Variants in CRYM observed in about 807,000 individuals in gnomAD.
CRYM encodes the protein ketimine reductase mu-crystallin.
CRYM carries 18 observed loss-of-function variants against 32.9 expected under a neutral mutation model. The observed-to-expected ratio is 0.55, with a 90% CI of 0.38 to 0.81. The LOEUF is 0.81. Ranked by LOEUF, CRYM falls within the 30% of genes least tolerant of loss-of-function variation. The pLI is 0.00. For missense variants in CRYM, 337 were observed against 393.5 expected (o/e 0.86, Z 1.21); for synonymous variants, 153 against 152.4 (o/e 1.00, Z -0.03).
rs114001128 is a variant in CRYM, at chr16:21,274,908, T to C, written c.387+624A>G. Among the ~76,000 whole-genome samples, 1,223 of 152,326 alleles carry C rather than the reference T, an allele frequency of 8.0e-3. 19 individuals carry two copies. The highest frequency in any genetic ancestry group is 0.028 in the African/African-American group (1,163 of 41,574). On this transcript the variant is annotated intron_variant, in intron 3 of 7. Coordinates refer to ENST00000572914, the MANE Select transcript of CRYM (RefSeq NM_001376256.1). ...GGCGTGAGCCACTGTACCCAGCCTG[T>C]GTTTTCCTTTTTATTGGTATTGTCT...
intron 3 of CRYM, among the ~76,000 whole-genome samples, chr16:21,270,474 G>A (rs973323203): frequency 1.3e-5 from 2 of 152,008 alleles, no homozygotes; most frequent in African/African-American, 2.4e-5. Context: ...GATAGAGATG[G>A]GGTTTCACCA....
At chr16:21,283,673 G>T (rs920108917) in intron 1 of CRYM, 1 of 151,768 alleles carries the variant, frequency 6.6e-6, no homozygotes, top group Non-Finnish European at 1.5e-5. Flanking sequence ...GGGGTGGGGC[G>T]GTGGGGGGAC....
intron 5 of CRYM, among the ~76,000 whole-genome samples, chr16:21,263,822 C>T (rs1400376378): frequency 1.3e-5 from 2 of 152,168 alleles, no homozygotes; most frequent in African/African-American, 4.8e-5. Flanking sequence ...GACTGAGGGG[C>T]GGGGAAGCCA....
intron 1 of CRYM, chr16:21,300,537 GA>G (rs1027820247): frequency 9.2e-5 from 13 of 141,164 alleles, no homozygotes; most frequent in African/African-American, 2.1e-4. Flanking sequence ...AACAGAAAAA[GA>G]AAAAAAAAAG....
intron 5 of CRYM, among the ~76,000 whole-genome samples, chr16:21,263,481 T>C (rs1175024510): frequency 1.3e-5 from 2 of 152,234 alleles, no homozygotes; most frequent in African/African-American, 4.8e-5. Flanking sequence ...TCCCAAACTG[T>C]TGGGACCACA....
upstream of CRYM, among the ~76,000 whole-genome samples, chr16:21,279,614 G>C (rs775097635): frequency 6.6e-5 from 10 of 152,346 alleles, no homozygotes; most frequent in Middle Eastern, 3.4e-3. Context: ...TGCTCCAAGA[G>C]AGTAAGCATT....
chr16:21,282,450 C>G (rs9921853), upstream of CRYM, among the ~76,000 whole-genome samples: 31,347 of 150,726 alleles, frequency 0.21, 3,371 homozygotes, highest in African/African-American at 0.27. Context: ...TTAAAGTTAA[C>G]AAGGAGAAAA....
intron 1 of CRYM, chr16:21,283,527 G>A (rs967396693): frequency 6.6e-6 from 1 of 151,938 alleles, no homozygotes; most frequent in Non-Finnish European, 1.5e-5. Context: ...TGCAGCCAAG[G>A]CGCGTGTCTC....
intron 3 of CRYM, among the ~76,000 whole-genome samples, chr16:21,273,068 C>T (rs7191267): frequency 0.27 from 40,696 of 151,788 alleles, 5,887 homozygotes; most frequent in African/African-American, 0.36. Flanking sequence ...ATGCTGAGCG[C>T]AGAACCTTGC....
upstream of CRYM, among the ~76,000 whole-genome samples, chr16:21,281,094 T>TTC (rs35907138): frequency 0.021 from 2,961 of 143,496 alleles, 93 homozygotes; most frequent in African/African-American, 0.074. Flanking sequence ...AACAGAGTGA[T>TTC]TCTCTCTCTC....
At chr16:21,262,211 A>T in intron 5 of CRYM, 53 bp from the exon 6 acceptor site, 1 of 1,611,794 alleles carries the variant, frequency 6.2e-7, no homozygotes, top group Admixed American at 1.7e-5. Flanking sequence ...AAAGGCTGCT[A>T]AGAAGCCCAA....
chr16:21,278,259 C>T lies in CRYM; in HGVS notation c.-8G>A. ...CGCTGGTACCCGGCTCATCTCGCCA[C>T]CTGTGCCTTCTAACCTCAGTCTCCG... On this transcript the variant is annotated 5_prime_UTR_variant, in exon 1 of 8. It adds an upstream start codon to the 5' untranslated region. Coordinates refer to ENST00000572914, the MANE Select transcript of CRYM (RefSeq NM_001376256.1). The T allele has an allele frequency of 1.3e-6, 2 of 1,583,492 alleles. No individual in the cohort carries two copies. The highest frequency in any genetic ancestry group is 1.1e-5 in the South Asian group (1 of 87,152).
chr16:21,273,103 T>C (rs923357221), intron 3 of CRYM, among the ~76,000 whole-genome samples: 2 of 152,132 alleles, frequency 1.3e-5, no homozygotes, highest in African/African-American at 2.4e-5. Context: ...CAAATATTTG[T>C]TGAATAAATG....
rs184610639 is a variant in CRYM, at chr16:21,263,379, C to T, written c.674-1221G>A. Among the ~76,000 whole-genome samples the T allele has an allele frequency of 1.8e-3, 279 of 152,112 alleles. 1 individual carries two copies. Among genetic ancestry groups the T allele is most frequent in the Non-Finnish European group, 2.1e-3 (145 of 67,990 alleles). ...CTGCGCCACTGTGCTCCAAACCAGGCGACAGAGTGAGACTCCATCTCAAAA... is the reference window on the plus strand; with the variant it reads ...CTGCGCCACTGTGCTCCAAACCAGGTGACAGAGTGAGACTCCATCTCAAAA... On this transcript the variant is annotated intron_variant, in intron 5 of 7. Transcript: ENST00000572914.
intron 1 of CRYM, among the ~76,000 whole-genome samples, chr16:21,302,354 C>T (rs763429271): frequency 6.6e-5 from 10 of 152,226 alleles, no homozygotes; most frequent in Non-Finnish European, 1.3e-4. Context: ...ATTGCGAGAA[C>T]ATGTTAAGTG....
intron 1 of CRYM, among the ~76,000 whole-genome samples, chr16:21,287,949 T>C (rs2093410189): frequency 6.6e-6 from 1 of 152,254 alleles, no homozygotes; most frequent in Non-Finnish European, 1.5e-5. Context: ...GTACCCTGTA[T>C]TCCCTATTTG....
At chr16:21,301,237 A>C (rs1960917716) in intron 1 of CRYM, 1 of 152,528 alleles carries the variant, frequency 6.6e-6, no homozygotes, top group Non-Finnish European at 1.5e-5. Context: ...ACCATGGCAC[A>C]CGAGGGAGAG....
chr16:21,274,268 C>T (rs1173276831), intron 3 of CRYM, among the ~76,000 whole-genome samples: 1 of 152,160 alleles, frequency 6.6e-6, no homozygotes, highest in Non-Finnish European at 1.5e-5. Flanking sequence ...ACATCATCAC[C>T]CCCATTGCTT....
At chr16:21,271,596 G>A (rs186552214) in intron 3 of CRYM, among the ~76,000 whole-genome samples, 56 of 152,286 alleles carry the variant, frequency 3.7e-4, no homozygotes, top group Non-Finnish European at 4.4e-5. Context: ...ATTTGAAAAG[G>A]TTTCAAAATG....
Sources: allele counts gnomAD v4.1 joint callset (sites outside exome capture counted in the v4.1 genomes callset), GRCh38; gene constraint gnomAD v4.1.1; transcripts MANE v1.5; gene names NCBI Gene and HGNC (gene_info 2026-07-23, HGNC 2026-07-21).